The following PCDHA7 variants were observed in gnomAD, a reference collection of about 807,000 sequenced individuals.
PCDHA7 encodes protocadherin alpha 7.
A neutral mutation model predicts 57.2 loss-of-function variants in PCDHA7; 37 were observed. The ratio of observed to expected loss-of-function variants is 0.65; its 90% CI spans 0.50 to 0.85. The LOEUF is 0.85. Ranked by LOEUF, PCDHA7 falls within the 40% of genes least tolerant of loss-of-function variation. The pLI is 0.00. For missense variants in PCDHA7, 1,188 were observed against 1,241.8 expected (o/e 0.96, Z 0.65); for synonymous variants, 553 against 558.8 (o/e 0.99, Z 0.15).
At chr5:140,877,862 A>T (rs1554170193) in intron 1 of PCDHA7, 1 of 1,505,068 alleles carries the variant, frequency 6.6e-7, no homozygotes, top group East Asian at 2.4e-5. Flanking sequence ...TATTATTTAG[A>T]TATATTTGTT....
rs2150253454 is a variant in PCDHA7 at position 140,836,128 on chromosome 5, C to G, written c.1745C>G (p.Pro582Arg). ...GGTGGCGCAGTGAGAGAGCTTGTGC[C>G]GCGGTCTGTGGGCGCGGGCCATGTG... ...GTGGAVRELV[P>R]RSVGAGHVVA... Residue 582 changes from proline to arginine, a missense_variant, in exon 1 of 4, where the codon CCG becomes CGG. This residue lies in a region of PCDHA7 where 892 missense variants were observed against 788.5 expected (regional missense o/e 1.13). Transcript: ENST00000525929. 13 of 1,613,624 alleles carry G rather than the reference C, an allele frequency of 8.1e-6. 2 individuals are homozygous for G. Among genetic ancestry groups the G allele is most frequent in the African/African-American group, 4.0e-5 (3 of 74,864 alleles).
intron 3 of PCDHA7, among the ~76,000 whole-genome samples, chr5:140,994,546 A>T (rs1168797848): frequency 6.6e-6 from 1 of 152,066 alleles, no homozygotes; most frequent in Non-Finnish European, 1.5e-5. Context: ...CTACAAAAAA[A>T]ATATAAAAAT....
intron 1 of PCDHA7, among the ~76,000 whole-genome samples, chr5:140,886,671 C>A (rs1411583056): frequency 6.6e-6 from 1 of 151,634 alleles, no homozygotes; most frequent in East Asian, 1.9e-4. Context: ...ACTAAAAATA[C>A]AAAAATTAGC....
Position 140,843,127 on chromosome 5 carries a change from C to G in PCDHA7, c.2355+6389C>G, listed in dbSNP as rs2150353470. 3 of 1,595,942 alleles carry G rather than the reference C, an allele frequency of 1.9e-6. No individual in the cohort carries two copies. The South Asian group carries it at 3.3e-5, about 18-fold the overall frequency. On this transcript the variant is annotated intron_variant, in intron 1 of 3. Transcript: ENST00000525929. The stretch of plus-strand genomic sequence containing the variant: ...TGCGCGCAGTGGACGCCGACTCGGG[C>G]TACAACGCGTGGCTTTCGTATGAGC...
chr5:140,870,955 C>T, intron 1 of PCDHA7: 1 of 1,613,632 alleles, frequency 6.2e-7, no homozygotes, highest in Non-Finnish European at 8.5e-7. Context: ...GGGCGGCTCG[C>T]GCATCCCGTT....
chr5:140,842,046 T>C (rs1554138752), intron 1 of PCDHA7: 1 of 1,613,856 alleles, frequency 6.2e-7, no homozygotes, highest in African/African-American at 1.3e-5. Flanking sequence ...GCTCCCACTT[T>C]CGAACAGTCT....
At chr5:140,928,508 T>G in intron 1 of PCDHA7, 1 of 1,614,174 alleles carries the variant, frequency 6.2e-7, no homozygotes, top group Non-Finnish European at 8.5e-7. Flanking sequence ...AGTGCAACAG[T>G]GACTATAAAC....
chr5:140,968,739 T>C, intron 1 of PCDHA7: 1 of 1,614,192 alleles, frequency 6.2e-7, no homozygotes, highest in South Asian at 1.1e-5. Context: ...ACTTTCAACC[T>C]GACCGTGGTG....
intron 1 of PCDHA7, chr5:140,870,869 T>C (rs371526005): frequency 8.1e-6 from 13 of 1,613,770 alleles, no homozygotes; most frequent in Non-Finnish European, 1.1e-5. Context: ...GCGGGCCACG[T>C]GGTGGCGAAG....
At chr5:140,994,387 C>G (rs192635308) in intron 3 of PCDHA7, among the ~76,000 whole-genome samples, 1 of 152,174 alleles carries the variant, frequency 6.6e-6, no homozygotes, top group South Asian at 2.1e-4. Context: ...GGGACTAAGT[C>G]AGAGATTATT....
intron 1 of PCDHA7, among the ~76,000 whole-genome samples, chr5:140,924,152 C>A (rs1163487854): frequency 6.6e-6 from 1 of 152,176 alleles, no homozygotes. Flanking sequence ...TGAAGAAATG[C>A]ACATCCTAAT....
chr5:140,998,690 A>G (rs1310258939), intron 3 of PCDHA7, among the ~76,000 whole-genome samples: 1 of 151,696 alleles, frequency 6.6e-6, no homozygotes, highest in Non-Finnish European at 1.5e-5. Flanking sequence ...TCAGCCTCCC[A>G]AGTAGCTGGG....
At chr5:140,869,975 T>C (rs1562636456) in intron 1 of PCDHA7, 1 of 1,613,324 alleles carries the variant, frequency 6.2e-7, no homozygotes, top group Non-Finnish European at 8.5e-7. Flanking sequence ...GGAAGACACT[T>C]ATTTACACTA....
intron 1 of PCDHA7, chr5:140,876,810 C>T (rs782009058): frequency 1.9e-6 from 3 of 1,614,154 alleles, no homozygotes; most frequent in East Asian, 2.2e-5. Flanking sequence ...TGGAGGTGGC[C>T]GACGTGAACG....
At chr5:140,965,657 T>TA (rs2095920205) in intron 1 of PCDHA7, among the ~76,000 whole-genome samples, 2 of 152,196 alleles carry the variant, frequency 1.3e-5, no homozygotes, top group Non-Finnish European at 2.9e-5. Context: ...AGAAAATGTC[T>TA]TGGGTGATAA....
chr5:140,834,765 G>T lies in PCDHA7; in HGVS notation c.382G>T (p.Asp128Tyr). The change falls in exon 1 of 4, where the codon GAC becomes TAC. Residue 128 changes from aspartate to tyrosine, a missense_variant. Asp to Tyr is a radical substitution (Grantham distance 160). Transcript: ENST00000525929. ...HVDVEVKDIN[D>Y]NPPVFPATQR... is the part of the protein sequence containing the mutation. The stretch of plus-strand genomic sequence containing the variant: ...GGACGTGGAGGTGAAGGACATTAAC[G>T]ACAACCCTCCGGTGTTCCCAGCGAC... 1.2e-6 allele frequency: 2 copies of T among 1,614,098 alleles called. No individual in the cohort carries two copies. The highest frequency in any genetic ancestry group is 1.3e-5 in the African/African-American group (1 of 75,008).
At chr5:140,993,996 G>C (rs1163632974) in intron 3 of PCDHA7, among the ~76,000 whole-genome samples, 1 of 152,148 alleles carries the variant, frequency 6.6e-6, no homozygotes, top group Non-Finnish European at 1.5e-5. Flanking sequence ...CTTAGGTCAG[G>C]CCAGGCTCTG....
chr5:140,883,401 A>C, intron 1 of PCDHA7: 2 of 1,614,108 alleles, frequency 1.2e-6, no homozygotes, highest in Non-Finnish European at 1.7e-6. Flanking sequence ...TCCGATCGTG[A>C]CTCTGGCTCA....
At chr5:140,966,527 G>C (rs1328867902) in intron 1 of PCDHA7, 2 of 444,184 alleles carry the variant, frequency 4.5e-6, no homozygotes, top group Non-Finnish European at 7.8e-6. Context: ...AAGCCGAGCC[G>C]GGTTGAGCGA....
Sources: allele counts gnomAD v4.1 joint callset (sites outside exome capture counted in the v4.1 genomes callset), GRCh38; gene constraint gnomAD v4.1.1; regional missense constraint gnomAD v4.1.1; transcripts MANE v1.5; gene names NCBI Gene and HGNC (gene_info 2026-07-23, HGNC 2026-07-21).